Variants in STAG1 observed in about 807,000 individuals in gnomAD.
STAG1 encodes the protein STAG1 cohesin complex component.
A neutral mutation model predicts 170.9 loss-of-function variants in STAG1; 26 were observed. The ratio of observed to expected loss-of-function variants is 0.15; its 90% CI spans 0.11 to 0.21. STAG1 has a LOEUF of 0.21. STAG1 is among the 10% of genes least tolerant of loss of function. STAG1 has a pLI of 1.00. For missense variants in STAG1, 964 were observed against 1,509.5 expected (o/e 0.64, Z 5.99); for synonymous variants, 514 against 497.7 (o/e 1.03, Z -0.44).
chr3:136,418,931 G>A (rs1390483801), intron 20 of STAG1, among the ~76,000 whole-genome samples: 3 of 152,058 alleles, frequency 2.0e-5, no homozygotes, highest in East Asian at 1.9e-4. Flanking sequence ...GTGAGCCACC[G>A]CGTCAGGCCT....
At chr3:136,499,184 T>C (rs1257064893) in intron 9 of STAG1, among the ~76,000 whole-genome samples, 1 of 152,094 alleles carries the variant, frequency 6.6e-6, no homozygotes, top group African/African-American at 2.4e-5. Context: ...TGTGTATGTG[T>C]GTATTTCTTT....
At chr3:136,445,077 A>G (rs56381882) in intron 14 of STAG1, among the ~76,000 whole-genome samples, 1 of 144,400 alleles carries the variant, frequency 6.9e-6, no homozygotes, top group African/African-American at 2.6e-5. Flanking sequence ...GGCTGGTTTC[A>G]GTGTGAATTT....
intron 13 of STAG1, among the ~76,000 whole-genome samples, chr3:136,463,078 T>C (rs1016144063): frequency 6.6e-6 from 1 of 152,190 alleles, no homozygotes; most frequent in African/African-American, 2.4e-5. Flanking sequence ...ATTCTTGGTA[T>C]CAGTGACAGA....
At chr3:136,452,216 A>C (rs1457766737) in intron 13 of STAG1, 69 bp from the exon 14 acceptor site, 2 of 938,590 alleles carry the variant, frequency 2.1e-6, no homozygotes, top group Non-Finnish European at 3.5e-6. Context: ...CAACACACAA[A>C]TCATTTCAGT....
At chr3:136,678,850 C>CAAAAAAAAAAAAAAAAAAAAAAA (rs559610524) in intron 1 of STAG1, among the ~76,000 whole-genome samples, 1 of 35,424 alleles carries the variant, frequency 2.8e-5, no homozygotes, top group Non-Finnish European at 6.0e-5. Flanking sequence ...CCCATGCTCA[C>CAAAAAAAAAAAAAAAAAAAAAAA]AAAAAAAAAA....
intron 1 of STAG1, among the ~76,000 whole-genome samples, chr3:136,715,009 TATATAAA>T (rs1943498953): frequency 7.9e-5 from 9 of 114,088 alleles, no homozygotes; most frequent in Non-Finnish European, 1.4e-4. Context: ...ATATAATATA[TATATAAA>T]ATATATATAT....
chr3:136,739,503 CAAAAAAAA>C (rs1165327249), intron 1 of STAG1, among the ~76,000 whole-genome samples: 1 of 45,694 alleles, frequency 2.2e-5, no homozygotes, highest in Admixed American at 2.3e-4. Context: ...CAGACTCCGT[CAAAAAAAA>C]AAAAAAAAGA....
chr3:136,533,952 TG>T lies in STAG1; in HGVS notation c.471+8166del, dbSNP rs1935501281. ...AAGTTAAGCAAAACAAACAAACAAA[TG>T]AACGAAACAAAACAAAAACAAAGCT... On this transcript the variant is annotated intron_variant, in intron 6 of 33. Transcript: ENST00000383202. Among the ~76,000 whole-genome samples, 2 of 151,860 alleles carry T rather than the reference TG, an allele frequency of 1.3e-5. 1 individual carries two copies. Among genetic ancestry groups the T allele is most frequent in the South Asian group, 4.2e-4 (2 of 4,816 alleles).
chr3:136,640,658 C>A (rs533541269), intron 1 of STAG1, among the ~76,000 whole-genome samples: 1 of 142,630 alleles, frequency 7.0e-6, no homozygotes, highest in Non-Finnish European at 1.5e-5. Flanking sequence ...CATGAGCCAC[C>A]GCACCTGGCC....
intron 22 of STAG1, among the ~76,000 whole-genome samples, chr3:136,384,398 A>C (rs573830729): frequency 1.3e-5 from 2 of 151,640 alleles, no homozygotes; most frequent in African/African-American, 4.9e-5. Context: ...TACAGAGAGC[A>C]AAGACTGCAC....
In STAG1 at chr3:136,749,122, T is replaced by C. The variant is rs750945422; in HGVS notation, c.-84+3073A>G. 2.0e-5 allele frequency among the ~76,000 whole-genome samples: 3 copies of C among 152,186 alleles called. No homozygotes were observed. The South Asian group carries it at 6.2e-4, about 32-fold the overall frequency. ...TGAGTGTGGGAGAGACCTGTAGATA[T>C]AACGGGATATCATTACGGTGATTAT... is the stretch of plus-strand genomic sequence containing the variant. On this transcript the variant is annotated intron_variant, in intron 1 of 33. Transcript: ENST00000383202.
chr3:136,425,073 C>T (rs1238222207), intron 16 of STAG1, among the ~76,000 whole-genome samples: 4 of 151,828 alleles, frequency 2.6e-5, no homozygotes, highest in East Asian at 3.9e-4. Flanking sequence ...CTCCCGACCT[C>T]GTGATCTGCC....
intron 1 of STAG1, among the ~76,000 whole-genome samples, chr3:136,746,432 TA>T (rs202204024): frequency 1.5e-4 from 22 of 145,776 alleles, no homozygotes; most frequent in Admixed American, 1.4e-4. Context: ...AATGATGAGC[TA>T]AAAAAAAAAA....
rs745623191 is a variant in STAG1 at position 136,702,075 on chromosome 3, AAGAGAGAGAG to A, written c.-84+50110_-84+50119del. On this transcript the variant is annotated intron_variant, in intron 1 of 33. Coordinates refer to ENST00000383202, the MANE Select transcript of STAG1 (RefSeq NM_005862.3). ...CTACAGGCATGCACCACCATGCCGA[AAGAGAGAGAG>A]AGAGAGAGAGAGAGAGAGAGAGAGA... is the stretch of plus-strand genomic sequence containing the variant. 8.6e-3 allele frequency among the ~76,000 whole-genome samples: 791 copies of A among 92,174 alleles called. 3 individuals carry two copies. Among genetic ancestry groups the A allele is most frequent in the East Asian group, 0.017 (53 of 3,126 alleles). 60.5% of individuals were successfully genotyped at this position (92,174 alleles called of 152,430 possible).
At chr3:136,379,768 G>T (rs1243673076) in intron 22 of STAG1, among the ~76,000 whole-genome samples, 1 of 152,052 alleles carries the variant, frequency 6.6e-6, no homozygotes, top group African/African-American at 2.4e-5. Flanking sequence ...TGTAGCTGGG[G>T]TATAAATAGG....
At chr3:136,712,936 C>T (rs1005754862) in intron 1 of STAG1, among the ~76,000 whole-genome samples, 1 of 151,996 alleles carries the variant, frequency 6.6e-6, no homozygotes, top group Admixed American at 6.6e-5. Flanking sequence ...ACGAAAAATA[C>T]AAAAATTAGC....
intron 9 of STAG1, 27 bp from the exon 10 acceptor site, chr3:136,477,439 CA>C: frequency 6.3e-7 from 1 of 1,579,052 alleles, no homozygotes. Flanking sequence ...AAGACAATCT[CA>C]AATTAATATA....
At chr3:136,376,016 C>CAAAATAAAAAT (rs376167779) in intron 23 of STAG1, among the ~76,000 whole-genome samples, 6 of 115,542 alleles carry the variant, frequency 5.2e-5, no homozygotes, top group Admixed American at 2.1e-4. Flanking sequence ...AAATAATTAA[C>CAAAATAAAAAT]AAAATAAAAT....
chr3:136,644,509 T>TA (rs1024828005), intron 1 of STAG1, among the ~76,000 whole-genome samples: 16 of 152,244 alleles, frequency 1.1e-4, no homozygotes, highest in Middle Eastern at 6.8e-3. Flanking sequence ...CAATGAGATA[T>TA]AAAAAACCCA....
Sources: gnomAD v4.1 joint callset for allele counts (sites outside exome capture counted in the v4.1 genomes callset) on GRCh38, gnomAD v4.1.1 for gene constraint, MANE v1.5 for transcripts, NCBI Gene and HGNC (gene_info 2026-07-23, HGNC 2026-07-21) for gene names.